COL9A1: variants seen among roughly 807,000 people sequenced by gnomAD.
COL9A1 encodes the protein collagen alpha-1(IX) chain.
Under a neutral mutation model 142.6 loss-of-function variants are expected in COL9A1, and 104 were observed. The ratio of observed to expected loss-of-function variants is 0.73; its 90% CI spans 0.62 to 0.86. The LOEUF (loss-of-function observed/expected upper bound fraction) is 0.86. Among genes scored for constraint, COL9A1 ranks in the 40% least tolerant of loss-of-function variants. The pLI is 0.00. For missense variants in COL9A1, 1,210 were observed against 1,176.6 expected, an observed-to-expected ratio of 1.03 and a Z score of -0.42; for synonymous variants, 466 against 396.0, an observed-to-expected ratio of 1.18 and a Z score of -2.10.
intron 36 of COL9A1, among the ~76,000 whole-genome samples, chr6:70,229,225 A>G (rs1769401084): frequency 6.6e-6 from 1 of 152,174 alleles, no homozygotes; most frequent in Admixed American, 6.5e-5. Flanking sequence ...CAAACCATGT[A>G]TACAGGTTGG....
chr6:70,269,396 C>G (rs1772248476), intron 16 of COL9A1, among the ~76,000 whole-genome samples: 1 of 152,124 alleles, frequency 6.6e-6, no homozygotes. Context: ...AAAAGCATGT[C>G]TTAGTCATAA....
intron 6 of COL9A1, 69 bp downstream of exon 6, chr6:70,283,668 G>T: frequency 8.5e-7 from 1 of 1,181,954 alleles, no homozygotes. Context: ...GTGGCAAGAT[G>T]GGAAAGTGGT....
intron 2 of COL9A1, among the ~76,000 whole-genome samples, chr6:70,301,503 G>T (rs764941478): frequency 1.1e-4 from 16 of 152,176 alleles, no homozygotes; most frequent in Non-Finnish European, 1.5e-4. Context: ...CTTGAACCTG[G>T]GAGGCGGAGG....
Position 70,216,699 on chromosome 6 carries a change from GAA to G in COL9A1, c.*196_*197del. ...TGACTCTGCTGTCTTCCCTCCAAGG[GAA>G]AGGAAAGAGAACTTACTGAATAGCA... On this transcript the variant is annotated 3_prime_UTR_variant, in exon 38 of 38. Coordinates refer to ENST00000357250, the MANE Select transcript of COL9A1 (RefSeq NM_001851.6). The G allele has an allele frequency of 1.3e-5, 8 of 631,604 alleles. No individual in the cohort carries two copies. The South Asian group carries it at 1.5e-4, about 12-fold the overall frequency. 39.1% of individuals were successfully genotyped at this position (631,604 alleles called of 1,614,324 possible).
intron 23 of COL9A1, 62 bp downstream of exon 23, chr6:70,255,088 A>G: frequency 6.2e-7 from 1 of 1,612,980 alleles, no homozygotes; most frequent in Non-Finnish European, 8.5e-7. Flanking sequence ...TATTTTCTAA[A>G]GTTTCATTGC....
chr6:70,263,240 T>C lies in COL9A1; in HGVS notation c.1395+4A>G. On this transcript the variant is annotated splice_donor_region_variant and intron_variant, in intron 19 of 37. Transcript: ENST00000357250. ...AGTTAAATATTTTTTAAAAAATACT[T>C]TACTGGAGGTCCTTGAGCTCCAACT... The C allele has an allele frequency of 6.3e-7, 1 of 1,599,460 alleles. No individual in the cohort carries two copies. Among genetic ancestry groups the C allele is most frequent in the Non-Finnish European group, 8.5e-7 (1 of 1,171,006 alleles).
intron 36 of COL9A1, among the ~76,000 whole-genome samples, chr6:70,230,783 C>A (rs1769491068): frequency 6.6e-6 from 1 of 152,178 alleles, no homozygotes; most frequent in African/African-American, 2.4e-5. Flanking sequence ...AAATCAGAAT[C>A]TCTGAGAATG....
chr6:70,265,376 A>G (rs1017885449), intron 18 of COL9A1, among the ~76,000 whole-genome samples: 4 of 152,100 alleles, frequency 2.6e-5, no homozygotes, highest in Non-Finnish European at 5.9e-5. Context: ...GCTTTACTGC[A>G]TAGAATACCT....
At chr6:70,253,671 G>A (rs542119230) in intron 25 of COL9A1, among the ~76,000 whole-genome samples, 123 of 152,310 alleles carry the variant, frequency 8.1e-4, no homozygotes, top group Non-Finnish European at 1.6e-3. Flanking sequence ...AGCAAATCTT[G>A]TCTTTAAACT....
intron 36 of COL9A1, among the ~76,000 whole-genome samples, chr6:70,227,424 TAAA>T (rs11407353): frequency 1.4e-4 from 7 of 50,042 alleles, no homozygotes; most frequent in Middle Eastern, 0.014. Flanking sequence ...ATGCAAATTG[TAAA>T]AAAAAAAAAA....
rs1771328728 is a variant in COL9A1, at chr6:70,256,818, C to T, written c.1453G>A (p.Ala485Thr). 1 of 1,613,390 alleles carries T rather than the reference C, an allele frequency of 6.2e-7. No individual in the cohort carries two copies. Among genetic ancestry groups the T allele is most frequent in the East Asian group, 2.2e-5 (1 of 44,842 alleles). ...GIVGDKGEKG[A>T]RGLDGEPGPQ... ...CCAGGTTCACCATCTAAGCCCCGAG[C>T]ACCCTGCAAAAAAACAAGACAATGG... Residue 485 changes from alanine (A) to threonine (T), a missense_variant, in exon 21 of 38, where the codon GCT becomes ACT. Physicochemically the swap from Ala to Thr is moderately conservative, Grantham distance 58. Coordinates refer to ENST00000357250, the MANE Select transcript of COL9A1 (RefSeq NM_001851.6).
chr6:70,241,894 G>T, intron 30 of COL9A1, 70 bp downstream of exon 30: 1 of 1,381,960 alleles, frequency 7.2e-7, no homozygotes, highest in Non-Finnish European at 1.0e-6. Context: ...CCAAAAGCAA[G>T]CTTTGTTTCT....
chr6:70,232,823 T>A (rs749231567), intron 35 of COL9A1, 52 bp from the exon 36 acceptor site: 2 of 1,545,090 alleles, frequency 1.3e-6, no homozygotes, highest in Admixed American at 3.8e-5. Flanking sequence ...ATAAAAGTTA[T>A]TCTAATGAAA....
intron 5 of COL9A1, among the ~76,000 whole-genome samples, chr6:70,290,461 C>T (rs1305975210): frequency 2.0e-5 from 3 of 151,980 alleles, no homozygotes; most frequent in Admixed American, 1.3e-4. Context: ...GCTCTGAGCC[C>T]ACTAAGTAAC....
chr6:70,283,116 G>A (rs1457460146), intron 6 of COL9A1, 198 bp from the exon 7 acceptor site: 3 of 1,495,794 alleles, frequency 2.0e-6, no homozygotes, highest in Admixed American at 4.1e-5. Flanking sequence ...TAGGCTTCCA[G>A]ACCCGCCACT....
intron 36 of COL9A1, among the ~76,000 whole-genome samples, chr6:70,229,613 A>G (rs185553918): frequency 2.6e-5 from 4 of 152,274 alleles, no homozygotes; most frequent in Non-Finnish European, 5.9e-5. Flanking sequence ...TTTGATTCAC[A>G]CTAAAATATC....
At chr6:70,297,212 A>G (rs1051825234) in intron 4 of COL9A1, among the ~76,000 whole-genome samples, 17 of 152,138 alleles carry the variant, frequency 1.1e-4, no homozygotes, top group Non-Finnish European at 2.5e-4. Context: ...AAAAAAGAAA[A>G]TAATTAATTT....
chr6:70,236,175 T>A (rs1395468502), intron 33 of COL9A1, among the ~76,000 whole-genome samples: 1 of 138,882 alleles, frequency 7.2e-6, no homozygotes, highest in East Asian at 2.1e-4. Flanking sequence ...TACTTAAGTA[T>A]GAAGGAAGTT....
intron 32 of COL9A1, 144 bp downstream of exon 32, chr6:70,240,545 A>G (rs1458459131): frequency 7.3e-6 from 3 of 413,088 alleles, no homozygotes; most frequent in Admixed American, 8.1e-5. Flanking sequence ...CCTTTAAAGA[A>G]GGCAGTGAGG....
Sources: gnomAD v4.1 joint callset for allele counts (sites outside exome capture counted in the v4.1 genomes callset) on GRCh38, gnomAD v4.1.1 for gene constraint, MANE v1.5 for transcripts, NCBI Gene and HGNC (gene_info 2026-07-23, HGNC 2026-07-21) for gene names.